The following SF3B1 variants were observed in gnomAD, a reference collection of about 807,000 sequenced individuals.
SF3B1 encodes pre-mRNA processing 10.
Under a neutral mutation model 153.8 loss-of-function variants are expected in SF3B1, and 12 were observed. The ratio of observed to expected loss-of-function variants is 0.08; its 90% CI spans 0.05 to 0.13. SF3B1 has a LOEUF of 0.13. Among genes scored for constraint, SF3B1 ranks in the 10% least tolerant of loss-of-function variants. The probability of loss-of-function intolerance (pLI) is 1.00; values close to 1 mark genes in which losing one functional copy is unlikely to be tolerated. For missense variants in SF3B1, 513 were observed against 1,606.1 expected, an observed-to-expected ratio of 0.32 and a Z score of 11.63; for synonymous variants, 498 against 525.2, an observed-to-expected ratio of 0.95 and a Z score of 0.71.
At chr2:197,433,495 T>C (rs2085474508) in intron 1 of SF3B1, among the ~76,000 whole-genome samples, 1 of 152,336 alleles carries the variant, frequency 6.6e-6, no homozygotes, top group Admixed American at 6.5e-5. Flanking sequence ...CTTTATATTT[T>C]CTACTTACTT....
chr2:197,412,644 C>A (rs2085087827), intron 6 of SF3B1, among the ~76,000 whole-genome samples: 1 of 151,626 alleles, frequency 6.6e-6, no homozygotes. Context: ...GCGTGAGCCA[C>A]CGCGTCTGGC....
intron 6 of SF3B1, among the ~76,000 whole-genome samples, chr2:197,414,975 A>G (rs1359863610): frequency 6.6e-6 from 1 of 152,028 alleles, no homozygotes; most frequent in Non-Finnish European, 1.5e-5. Context: ...CTGCACTCCA[A>G]CCTTGGCAAC....
Position 197,401,312 on chromosome 2 carries a change from C to A in SF3B1, c.2496+88G>T. ...CATATAAACTGTGAGATAATCAAGGCAAAAAATAATATACAACATGCATTC... is the reference window on the plus strand; with the variant it reads ...CATATAAACTGTGAGATAATCAAGGAAAAAAATAATATACAACATGCATTC... On this transcript the variant is annotated intron_variant, in intron 17 of 24. Transcript: ENST00000335508. The surrounding 1 kb of genome is among the most constrained non-coding windows in gnomAD (Gnocchi z 4.2). 8.1e-7 allele frequency: 1 copy of A among 1,237,074 alleles called. No homozygotes were observed. Among genetic ancestry groups the A allele is most frequent in the Non-Finnish European group, 1.1e-6 (1 of 881,332 alleles). The allele number at this position is 1,237,074 out of a possible 1,614,324, so 76.6% of individuals were successfully genotyped here. A position where few individuals can be genotyped will look rare whatever the true frequency, so the allele number is the denominator to read the frequency against.
chr2:197,424,512 C>T (rs994944688), intron 1 of SF3B1, among the ~76,000 whole-genome samples: 103 of 150,296 alleles, frequency 6.9e-4, no homozygotes, highest in Admixed American at 2.5e-3. Flanking sequence ...AAAAAAAAAC[C>T]GTGACAAAAT....
Position 197,421,152 on chromosome 2 carries a change from A to C in SF3B1, c.196-19T>G. 2 of 1,483,670 alleles carry C rather than the reference A, an allele frequency of 1.3e-6. No homozygotes were observed. The highest frequency in any genetic ancestry group is 2.3e-5 in the East Asian group (1 of 44,134). The allele number at this position is 1,483,670 out of a possible 1,614,324, so 91.9% of individuals were successfully genotyped here. ...CGTCATCCTGCAATGAAAACCCCCC[A>C]AAAAGCCATAAACAAAATGTTAGAA... On this transcript the variant is annotated intron_variant, in intron 2 of 24. Coordinates refer to ENST00000335508, the MANE Select transcript of SF3B1 (RefSeq NM_012433.4).
intron 20 of SF3B1, chr2:197,398,793 A>C: frequency 1.8e-6 from 1 of 549,358 alleles, no homozygotes; most frequent in Non-Finnish European, 3.3e-6. Flanking sequence ...GAAATCAGTG[A>C]AGTGATTTAA....
intron 7 of SF3B1, among the ~76,000 whole-genome samples, chr2:197,409,176 G>A (rs2085032611): frequency 6.6e-6 from 1 of 152,142 alleles, no homozygotes; most frequent in African/African-American, 2.4e-5. Context: ...GAGGGGGGCA[G>A]ATCATCTGAG....
chr2:197,416,052 C>G (rs1251016353), intron 6 of SF3B1, among the ~76,000 whole-genome samples: 2 of 148,670 alleles, frequency 1.3e-5, no homozygotes, highest in Non-Finnish European at 3.0e-5. Context: ...TCCTTGAGCT[C>G]AACCAATCCT....
chr2:197,395,974 G>A (rs1369287737), intron 23 of SF3B1, 82 bp downstream of exon 23: 2 of 1,257,738 alleles, frequency 1.6e-6, no homozygotes, highest in Non-Finnish European at 1.1e-6. Context: ...ACAGTAAAAA[G>A]TCATCTAATA....
At chr2:197,416,146 A>G (rs2085145465) in intron 6 of SF3B1, among the ~76,000 whole-genome samples, 1 of 151,548 alleles carries the variant, frequency 6.6e-6, no homozygotes, top group African/African-American at 2.4e-5. Context: ...AAAAAAAAAA[A>G]GGTAGGAGAG....
chr2:197,416,653 T>A, intron 6 of SF3B1, 88 bp downstream of exon 6: 1 of 1,154,048 alleles, frequency 8.7e-7, no homozygotes, highest in Non-Finnish European at 1.2e-6. Context: ...GTCTGTGGTA[T>A]CTTGCTATGG....
chr2:197,419,036 C>T, intron 4 of SF3B1: 1 of 1,072,796 alleles, frequency 9.3e-7, no homozygotes, highest in South Asian at 1.4e-5. Flanking sequence ...TGTTAAAATC[C>T]TGACTACAAA....
At chr2:197,425,751 A>G (rs1362739569) in intron 1 of SF3B1, among the ~76,000 whole-genome samples, 1 of 151,738 alleles carries the variant, frequency 6.6e-6, no homozygotes, top group Non-Finnish European at 1.5e-5. Flanking sequence ...TGTCATCCAA[A>G]CACTTTGGAA....
rs1281432680 is a variant in SF3B1 at position 197,400,228 on chromosome 2, T to A, written c.2901+24A>T. On this transcript the variant is annotated intron_variant, in intron 19 of 24. Coordinates refer to ENST00000335508, the MANE Select transcript of SF3B1 (RefSeq NM_012433.4). The surrounding 1 kb of genome is among the most constrained non-coding windows in gnomAD (Gnocchi z 5.0). The stretch of plus-strand genomic sequence containing the variant: ...TACATTAAACTATTTGGGGAAGAAG[T>A]AAGAATTTGATGCAAAAGTTTACCT... 1 of 1,612,398 alleles carries A rather than the reference T, an allele frequency of 6.2e-7. No homozygotes were observed. The highest frequency in any genetic ancestry group is 1.1e-5 in the South Asian group (1 of 90,870).
At chr2:197,404,919 C>T (rs1298120758) in intron 11 of SF3B1, 157 bp downstream of exon 11, 1 of 574,614 alleles carries the variant, frequency 1.7e-6, no homozygotes, top group Non-Finnish European at 3.1e-6. Flanking sequence ...AGCCTCACAC[C>T]TGTAATCCCA....
intron 6 of SF3B1, among the ~76,000 whole-genome samples, chr2:197,412,066 C>T (rs938088297): frequency 1.3e-5 from 2 of 148,566 alleles, no homozygotes; most frequent in Middle Eastern, 7.0e-3. Context: ...GCCAAGATCA[C>T]GCCACTGCAC....
intron 23 of SF3B1, 69 bp from the exon 24 acceptor site, chr2:197,393,257 TAC>T (rs1304222852): frequency 1.5e-5 from 15 of 992,722 alleles, no homozygotes; most frequent in Middle Eastern, 2.0e-4. Flanking sequence ...TCCTTAAAGA[TAC>T]AGTCTTAGTT....
In SF3B1 at chr2:197,400,464, T is replaced by C. The variant is rs186211115; in HGVS notation, c.2719-30A>G. The C allele has an allele frequency of 1.3e-6, 2 of 1,560,410 alleles. No homozygotes were observed. Among genetic ancestry groups the C allele is most frequent in the East Asian group, 2.2e-5 (1 of 44,468 alleles). On this transcript the variant is annotated intron_variant, in intron 18 of 24. Transcript: ENST00000335508. This position sits in a 1 kb window ranked among gnomAD's most constrained non-coding sequence, Gnocchi z 5.0. ...AAAATAAATTTAAAAAAAAGACATA[T>C]TCATTTGGTTTATGACTGCACAGTT...
chr2:197,400,642 T>G lies in SF3B1; in HGVS notation c.2718+73A>C. Reference sequence around the variant, plus strand: ...CAAATTCAATTGCATTCTAGAAAAATTTGCTTGACAACTAATATGCTTTTC... The same window carrying G: ...CAAATTCAATTGCATTCTAGAAAAAGTTGCTTGACAACTAATATGCTTTTC... On this transcript the variant is annotated intron_variant, in intron 18 of 24. Transcript: ENST00000335508. This position sits in a 1 kb window ranked among gnomAD's most constrained non-coding sequence, Gnocchi z 5.0. The G allele has an allele frequency of 8.1e-7, 1 of 1,237,324 alleles. No homozygotes were observed. The highest frequency in any genetic ancestry group is 1.1e-6 in the Non-Finnish European group (1 of 879,226). The allele number at this position is 1,237,324 out of a possible 1,614,324, so 76.6% of individuals were successfully genotyped here. A position where few individuals can be genotyped will look rare whatever the true frequency, so the allele number is the denominator to read the frequency against.
Sources: gnomAD v4.1 joint callset for allele counts (sites outside exome capture counted in the v4.1 genomes callset) on GRCh38, gnomAD v4.1.1 for gene constraint, Gnocchi (gnomAD v3.1) non-coding constraint, MANE v1.5 for transcripts, NCBI Gene and HGNC (gene_info 2026-07-23, HGNC 2026-07-21) for gene names.